The following SPATS2 variants were observed in gnomAD, a reference collection of about 807,000 sequenced individuals.
SPATS2 encodes the protein spermatogenesis associated serine rich 2.
A neutral mutation model predicts 63.7 loss-of-function variants in SPATS2; 38 were observed. That is an observed-to-expected ratio of 0.60 (90% CI 0.46 to 0.78). The LOEUF (loss-of-function observed/expected upper bound fraction) is 0.78, where lower values mean the gene tolerates loss of function less well. Among genes scored for constraint, SPATS2 ranks in the 30% least tolerant of loss-of-function variants. The probability of loss-of-function intolerance (pLI) is 0.00; values close to 1 mark genes in which losing one functional copy is unlikely to be tolerated. For missense variants in SPATS2, 588 were observed against 666.2 expected (o/e 0.88, Z 1.29); for synonymous variants, 207 against 232.9 (o/e 0.89, Z 1.01).
intron 6 of SPATS2, among the ~76,000 whole-genome samples, chr12:49,492,293 C>T (rs1475488078): frequency 6.6e-6 from 1 of 151,416 alleles, no homozygotes; most frequent in Non-Finnish European, 1.5e-5. Context: ...GATCTCGGCT[C>T]ACTGCAGCCT....
Position 49,410,030 on chromosome 12 carries a change from T to C in SPATS2, c.-244+38740T>C, listed in dbSNP as rs1018142757. On this transcript the variant is annotated intron_variant, in intron 2 of 13. Transcript: ENST00000552918. ...TATCATTTAAGCAAATGGTGAAGAA[T>C]TGTAGAATCAGGGCTGGAAGAAGTT... is the stretch of plus-strand genomic sequence containing the variant. Among the ~76,000 whole-genome samples the C allele has an allele frequency of 2.6e-5, 4 of 152,118 alleles. No individual in the cohort carries two copies. The East Asian group carries it at 7.7e-4, about 29-fold the overall frequency.
In SPATS2 at chr12:49,447,324, C is replaced by T. The variant is rs573831487; in HGVS notation, c.-243-13446C>T. ...TGCAATCTCGGCTCACTGCAACCTC[C>T]GCCTCCTGGGTTCAAGCGATTCTCT... On this transcript the variant is annotated intron_variant, in intron 2 of 13. Transcript: ENST00000552918. Among the ~76,000 whole-genome samples, 247 of 152,134 alleles carry T rather than the reference C, an allele frequency of 1.6e-3. 3 individuals carry two copies. The highest frequency in any genetic ancestry group is 4.6e-3 in the African/African-American group (190 of 41,502).
At chr12:49,465,248 T>G (rs971123676) in intron 3 of SPATS2, among the ~76,000 whole-genome samples, 1 of 152,218 alleles carries the variant, frequency 6.6e-6, no homozygotes, top group Non-Finnish European at 1.5e-5. Flanking sequence ...CTTCTTTAAC[T>G]TTGTAAGAAA....
At chr12:49,369,800 T>C (rs963317214) in intron 1 of SPATS2, among the ~76,000 whole-genome samples, 3 of 152,226 alleles carry the variant, frequency 2.0e-5, no homozygotes, top group Admixed American at 6.5e-5. Flanking sequence ...TGAGGTACTG[T>C]GCATACGTGG....
upstream of SPATS2, chr12:49,367,401 G>T: frequency 7.6e-6 from 3 of 397,042 alleles, no homozygotes; most frequent in East Asian, 1.1e-4. Flanking sequence ...AGAGAAGTGG[G>T]GAGGCGGCGG....
intron 8 of SPATS2, among the ~76,000 whole-genome samples, chr12:49,497,466 C>T (rs192556992): frequency 9.9e-4 from 150 of 151,140 alleles, no homozygotes; most frequent in African/African-American, 3.4e-3. Context: ...GCAGTCTTGG[C>T]TCACTGCAAG....
chr12:49,523,834 C>T lies in SPATS2; in HGVS notation c.1112-848C>T, dbSNP rs1006275900. Among the ~76,000 whole-genome samples, 15 of 152,002 alleles carry T rather than the reference C, an allele frequency of 9.9e-5. 1 individual carries two copies. The highest frequency in any genetic ancestry group is 9.8e-4 in the Admixed American group (15 of 15,246). ...AGGAGTGGTGGTGGGTGCCTGTAGT[C>T]CCAGCTAATCGGGAGGCTGAGGCAG... On this transcript the variant is annotated intron_variant, in intron 12 of 13. Coordinates refer to ENST00000552918, the MANE Select transcript of SPATS2 (RefSeq NM_023071.4).
intron 3 of SPATS2, chr12:49,462,571 C>A: frequency 1.6e-6 from 1 of 633,910 alleles, no homozygotes; most frequent in South Asian, 1.8e-5. Context: ...TATCTGCACT[C>A]GTGGCTCCTG....
chr12:49,391,654 G>A (rs960150921), intron 2 of SPATS2, among the ~76,000 whole-genome samples: 3 of 152,156 alleles, frequency 2.0e-5, no homozygotes, highest in African/African-American at 7.2e-5. Flanking sequence ...GATAAAAGAA[G>A]AGTGTCAAAC....
chr12:49,367,370 C>T (rs996848159), upstream of SPATS2: 15 of 393,704 alleles, frequency 3.8e-5, no homozygotes, highest in Non-Finnish European at 5.8e-5. Flanking sequence ...TCTCCGGCAG[C>T]ATCCTGCAGT....
intron 4 of SPATS2, among the ~76,000 whole-genome samples, chr12:49,486,883 A>G (rs377105403): frequency 6.6e-6 from 1 of 152,130 alleles, no homozygotes; most frequent in Non-Finnish European, 1.5e-5. Context: ...CGTGGATGAA[A>G]CTAGGAGATT....
chr12:49,435,638 C>CTTTTT (rs34420984), intron 2 of SPATS2, among the ~76,000 whole-genome samples: 1 of 96,026 alleles, frequency 1.0e-5, no homozygotes, highest in Non-Finnish European at 2.3e-5. Flanking sequence ...TGAATGGTTT[C>CTTTTT]TTTTTTTTTT....
intron 9 of SPATS2, among the ~76,000 whole-genome samples, chr12:49,503,557 G>A (rs566999573): frequency 6.6e-6 from 1 of 151,286 alleles, no homozygotes; most frequent in South Asian, 2.1e-4. Flanking sequence ...GCTGAGGCAG[G>A]AGAATGGCGT....
At chr12:49,479,051 C>G (rs1224235806) in intron 3 of SPATS2, among the ~76,000 whole-genome samples, 1 of 152,226 alleles carries the variant, frequency 6.6e-6, no homozygotes, top group Non-Finnish European at 1.5e-5. Flanking sequence ...GTCTCTGCAG[C>G]TCTCAGCAGA....
intron 2 of SPATS2, among the ~76,000 whole-genome samples, chr12:49,385,357 A>AGTGTGTGTGTGT (rs57896651): frequency 0.025 from 3,510 of 141,998 alleles, 70 homozygotes; most frequent in African/African-American, 0.046. Context: ...TAAGTATATA[A>AGTGTGTGTGTGT]GTGTGTGTGT....
intron 2 of SPATS2, among the ~76,000 whole-genome samples, chr12:49,436,472 G>T (rs1339707948): frequency 2.8e-5 from 4 of 140,498 alleles, no homozygotes; most frequent in Non-Finnish European, 6.2e-5. Context: ...AGTAGGGGCG[G>T]CCAGGCAGAG....
chr12:49,427,935 CA>C (rs1945109732), intron 2 of SPATS2, among the ~76,000 whole-genome samples: 1 of 151,696 alleles, frequency 6.6e-6, no homozygotes, highest in Non-Finnish European at 1.5e-5. Context: ...CTTTTTCTTT[CA>C]TTTTTTTTTT....
chr12:49,389,600 CTGAT>C (rs956481578), intron 2 of SPATS2: 14 of 1,095,618 alleles, frequency 1.3e-5, no homozygotes, highest in Middle Eastern at 2.0e-4. Context: ...AGCAGAAACT[CTGAT>C]TGAGCAAACC....
intron 3 of SPATS2, among the ~76,000 whole-genome samples, chr12:49,483,788 A>G (rs1474757582): frequency 1.3e-5 from 2 of 152,198 alleles, no homozygotes; most frequent in African/African-American, 4.8e-5. Context: ...CCTGGGAGTA[A>G]AAATCTGCCA....
Sources: gnomAD v4.1 joint callset for allele counts (sites outside exome capture counted in the v4.1 genomes callset) on GRCh38, gnomAD v4.1.1 for gene constraint, MANE v1.5 for transcripts, NCBI Gene and HGNC (gene_info 2026-07-23, HGNC 2026-07-21) for gene names.